The following LIG1 variants were observed in gnomAD, a reference collection of about 807,000 sequenced individuals.
LIG1 encodes the protein ligase I, DNA, ATP-dependent.
LIG1 carries 70 observed loss-of-function variants against 115.7 expected under a neutral mutation model. The ratio of observed to expected loss-of-function variants is 0.60; its 90% CI spans 0.50 to 0.74. The LOEUF is 0.74. Among genes scored for constraint, LIG1 ranks in the 30% least tolerant of loss-of-function variants. The pLI is 0.00. For synonymous variants in LIG1, 487 were observed against 495.3 expected (o/e 0.98, Z 0.22); for missense variants, 1,115 against 1,225.6 (o/e 0.91, Z 1.35).
intron 25 of LIG1, among the ~76,000 whole-genome samples, chr19:48,118,886 C>G (rs903671475): frequency 6.6e-6 from 1 of 152,206 alleles, no homozygotes; most frequent in Non-Finnish European, 1.5e-5. Flanking sequence ...TTTGGCTAAC[C>G]CCTGGTGTGA....
chr19:48,119,740 A>C lies in LIG1; in HGVS notation c.2386-550T>G, dbSNP rs574042157. 3.3e-5 allele frequency among the ~76,000 whole-genome samples: 5 copies of C among 151,720 alleles called. No homozygotes were observed. In the South Asian group the frequency reaches 1.0e-3, roughly 32 times the overall value. ...AAAGTTTTTGTAGAGGTGGGGTCTC[A>C]CTATGTTGCCCAGGCTGGTCCCGAA... On this transcript the variant is annotated intron_variant, in intron 24 of 27. Transcript: ENST00000263274.
Position 48,123,321 on chromosome 19 carries a change from G to A in LIG1, c.2005-3C>T, listed in dbSNP as rs1189532704. 1.9e-6 allele frequency: 3 copies of A among 1,612,518 alleles called. No homozygotes were observed. Among genetic ancestry groups the A allele is most frequent in the Non-Finnish European group, 2.5e-6 (3 of 1,180,012 alleles). On this transcript the variant is annotated splice_region_variant and splice_polypyrimidine_tract_variant and intron_variant, in intron 21 of 27. Coordinates refer to ENST00000263274, the MANE Select transcript of LIG1 (RefSeq NM_000234.3). ...GAAAGGGGCTCACGTACCAGGGACTGCAGGGCCGGCAGGGAGAAGAGAGAT... is the reference window on the plus strand; with the variant it reads ...GAAAGGGGCTCACGTACCAGGGACTACAGGGCCGGCAGGGAGAAGAGAGAT...
At chr19:48,133,887 G>T in intron 17 of LIG1, 94 bp downstream of exon 17, 1 of 1,020,156 alleles carries the variant, frequency 9.8e-7, no homozygotes, top group Non-Finnish European at 1.5e-6. Flanking sequence ...GACTCTGCAA[G>T]TTCTGAGAGG....
At chr19:48,125,473 G>C (rs1229064777) in intron 21 of LIG1, among the ~76,000 whole-genome samples, 2 of 151,666 alleles carry the variant, frequency 1.3e-5, no homozygotes, top group Non-Finnish European at 1.5e-5. Flanking sequence ...AGCTCCACCT[G>C]TCCCGGCGAA....
rs1249773543 is a variant in LIG1 at position 48,117,939 on chromosome 19, C to T, written c.2440-158G>A. The T allele has an allele frequency of 7.0e-6, 5 of 714,066 alleles. No individual in the cohort carries two copies. The East Asian group carries it at 8.1e-5, about 12-fold the overall frequency. 44.2% of individuals were successfully genotyped at this position (714,066 alleles called of 1,614,324 possible). ...AAATAAGGGAAAAGAAACAAGACACCCCCTTGAAGTAAACAGAAATAGAAA... is the reference window on the plus strand; with the variant it reads ...AAATAAGGGAAAAGAAACAAGACACTCCCTTGAAGTAAACAGAAATAGAAA... On this transcript the variant is annotated intron_variant, in intron 25 of 27. Transcript: ENST00000263274.
chr19:48,165,650 GA>G, intron 1 of LIG1, 27 bp from the exon 2 acceptor site: 1 of 1,560,732 alleles, frequency 6.4e-7, no homozygotes, highest in South Asian at 1.1e-5. Context: ...AACACTTGTT[GA>G]GGTGATTGGT....
At position 48,122,669 on chromosome 19, in the gene LIG1, G is replaced by A. The variant is rs1018186941; in HGVS notation, c.2232+265C>T. On this transcript the variant is annotated intron_variant, in intron 23 of 27. Coordinates refer to ENST00000263274, the MANE Select transcript of LIG1 (RefSeq NM_000234.3). The surrounding 1 kb of genome is among the most constrained non-coding windows in gnomAD (Gnocchi z 4.3). ...GAGCCTGGCCCGACACGGGCGGCAG[G>A]CTCAGGAGAGAGACACCTCATCACG... Among the ~76,000 whole-genome samples, 12 of 152,228 alleles carry A rather than the reference G, an allele frequency of 7.9e-5. No homozygotes were observed. The highest frequency in any genetic ancestry group is 1.6e-4 in the Non-Finnish European group (11 of 68,044).
chr19:48,135,559 C>T, intron 16 of LIG1, 121 bp downstream of exon 16: 1 of 819,652 alleles, frequency 1.2e-6, no homozygotes, highest in South Asian at 1.3e-5. Context: ...CACCCCGTGA[C>T]CGGCACTCGT....
At chr19:48,166,851 A>C (rs554361240) in intron 1 of LIG1, among the ~76,000 whole-genome samples, 10 of 151,336 alleles carry the variant, frequency 6.6e-5, no homozygotes, top group Non-Finnish European at 1.5e-4. Context: ...CACACCTGTA[A>C]TCCCAGCTAG....
At chr19:48,139,616 T>A (rs1418602223) in intron 12 of LIG1, among the ~76,000 whole-genome samples, 1 of 151,826 alleles carries the variant, frequency 6.6e-6, no homozygotes. Context: ...TTCCTCCCAC[T>A]CCTTCCAATC....
At chr19:48,131,813 T>G (rs1450457607) in intron 18 of LIG1, among the ~76,000 whole-genome samples, 2 of 152,364 alleles carry the variant, frequency 1.3e-5, no homozygotes, top group Non-Finnish European at 2.9e-5. Context: ...CTTATATGTT[T>G]GTTATTATTT....
chr19:48,144,843 C>G (rs2035015240), intron 9 of LIG1, among the ~76,000 whole-genome samples: 3 of 152,174 alleles, frequency 2.0e-5, no homozygotes, highest in Admixed American at 6.5e-5. Context: ...GATAAGGAAA[C>G]TGGGGCACAG....
chr19:48,117,583 T>G (rs2032939050), intron 26 of LIG1, 55 bp downstream of exon 26: 2 of 1,595,424 alleles, frequency 1.3e-6, no homozygotes, highest in African/African-American at 2.7e-5. Flanking sequence ...CTCTGCTCTC[T>G]GTGTGCCCGC....
chr19:48,155,969 T>TA (rs2035806744), intron 5 of LIG1, among the ~76,000 whole-genome samples: 1 of 152,236 alleles, frequency 6.6e-6, no homozygotes, highest in Non-Finnish European at 1.5e-5. Context: ...CTCACCACGC[T>TA]AAAGCGCTCA....
At chr19:48,131,212 C>A (rs1287541184) in intron 18 of LIG1, 41 bp from the exon 19 acceptor site, 1 of 1,444,570 alleles carries the variant, frequency 6.9e-7, no homozygotes, top group Admixed American at 1.7e-5. Context: ...AGCTGAGTCC[C>A]CTCATGTGGC....
In LIG1 at chr19:48,120,182, C is replaced by T. The variant is rs2033166643; in HGVS notation, c.2385+988G>A. ...ATCACATTACCCATCAGAACAAAGC[C>T]GGCAACAACTTCCCCACACAGCCAC... On this transcript the variant is annotated intron_variant, in intron 24 of 27. Transcript: ENST00000263274. The T allele has an allele frequency of 1.0e-5, 10 of 985,142 alleles. No individual in the cohort carries two copies. In the South Asian group the frequency reaches 2.3e-4, roughly 23 times the overall value. The allele number at this position is 985,142 out of a possible 1,614,324, so 61.0% of individuals were successfully genotyped here. A position where few individuals can be genotyped will look rare whatever the true frequency, so the allele number is the denominator to read the frequency against.
intron 21 of LIG1, among the ~76,000 whole-genome samples, chr19:48,124,985 A>G (rs547886698): frequency 1.9e-4 from 29 of 151,580 alleles, no homozygotes; most frequent in African/African-American, 7.0e-4. Context: ...ACTGCACTCC[A>G]GCCTGGGCGA....
chr19:48,126,321 C>A (rs2033665322), intron 21 of LIG1, among the ~76,000 whole-genome samples: 1 of 151,326 alleles, frequency 6.6e-6, no homozygotes, highest in African/African-American at 2.4e-5. Flanking sequence ...AAAAATTATT[C>A]AAGGCCAGGC....
chr19:48,140,191 G>T, intron 11 of LIG1, 48 bp from the exon 12 acceptor site: 3 of 1,512,504 alleles, frequency 2.0e-6, no homozygotes, highest in Non-Finnish European at 2.7e-6. Context: ...CAAGGTCAAA[G>T]TGTGGTGTCG....
Sources: gnomAD v4.1 joint callset for allele counts (sites outside exome capture counted in the v4.1 genomes callset) on GRCh38, gnomAD v4.1.1 for gene constraint, Gnocchi (gnomAD v3.1) non-coding constraint, MANE v1.5 for transcripts, NCBI Gene and HGNC (gene_info 2026-07-23, HGNC 2026-07-21) for gene names.